NCKAP5: variants seen among roughly 807,000 people sequenced by gnomAD.
NCKAP5 encodes the protein NCK associated protein 5, also known as nck-associated protein 5.
NCKAP5 carries 92 observed loss-of-function variants against 167.0 expected under a neutral mutation model. That is an observed-to-expected ratio of 0.55 (90% CI 0.47 to 0.66). The LOEUF is 0.66. Ranked by LOEUF, NCKAP5 falls within the 30% of genes least tolerant of loss-of-function variation. The probability of loss-of-function intolerance (pLI) is 0.00; values close to 1 mark genes in which losing one functional copy is unlikely to be tolerated. For missense variants in NCKAP5, 2,378 were observed against 2,315.0 expected (o/e 1.03, Z -0.56); for synonymous variants, 891 against 877.4 (o/e 1.02, Z -0.27).
At chr2:133,059,264 C>T (rs1026142151) in intron 6 of NCKAP5, among the ~76,000 whole-genome samples, 1 of 152,148 alleles carries the variant, frequency 6.6e-6, no homozygotes, top group Non-Finnish European at 1.5e-5. Flanking sequence ...CGCGCCACTG[C>T]ACTCCAGCCT....
chr2:132,704,047 C>G (rs1688123757), intron 19 of NCKAP5, among the ~76,000 whole-genome samples: 1 of 152,154 alleles, frequency 6.6e-6, no homozygotes, highest in Non-Finnish European at 1.5e-5. Flanking sequence ...TGAAACCCTT[C>G]CCAGTGCTCT....
intron 5 of NCKAP5, among the ~76,000 whole-genome samples, chr2:133,142,720 C>T (rs917604307): frequency 6.6e-6 from 1 of 152,090 alleles, no homozygotes; most frequent in African/African-American, 2.4e-5. Context: ...TCACTAAGTC[C>T]AATTGAGGTC....
chr2:133,187,513 G>A (rs780971224), intron 5 of NCKAP5, among the ~76,000 whole-genome samples: 7 of 151,880 alleles, frequency 4.6e-5, no homozygotes, highest in Admixed American at 2.0e-4. Context: ...AAATTACTGC[G>A]ACCCCATATA....
chr2:133,496,108 G>A (rs142574427), intron 3 of NCKAP5, among the ~76,000 whole-genome samples: 5 of 152,256 alleles, frequency 3.3e-5, no homozygotes, highest in African/African-American at 9.6e-5. Flanking sequence ...ACATGCAGAC[G>A]TTACTTGCTT....
chr2:133,259,211 A>C (rs2088783890), intron 4 of NCKAP5, among the ~76,000 whole-genome samples: 1 of 152,092 alleles, frequency 6.6e-6, no homozygotes, highest in South Asian at 2.1e-4. Flanking sequence ...AGCCTCATCC[A>C]TCACTTTATC....
chr2:133,323,078 C>G (rs1353048047), intron 3 of NCKAP5, among the ~76,000 whole-genome samples: 3 of 152,152 alleles, frequency 2.0e-5, no homozygotes, highest in Non-Finnish European at 4.4e-5. Context: ...TATCCTTCCA[C>G]CTATTCATTC....
At chr2:132,774,739 A>G (rs1284775937) in intron 15 of NCKAP5, among the ~76,000 whole-genome samples, 2 of 152,210 alleles carry the variant, frequency 1.3e-5, no homozygotes, top group African/African-American at 4.8e-5. Context: ...ACCAACCACA[A>G]TAGAAACAGT....
At chr2:133,497,024 C>T (rs772549448) in intron 3 of NCKAP5, among the ~76,000 whole-genome samples, 1 of 152,202 alleles carries the variant, frequency 6.6e-6, no homozygotes, top group Non-Finnish European at 1.5e-5. Context: ...GTCAGCACAA[C>T]CACAGCCTCC....
chr2:133,399,535 T>C (rs566141622), intron 3 of NCKAP5, among the ~76,000 whole-genome samples: 1 of 152,244 alleles, frequency 6.6e-6, no homozygotes, highest in South Asian at 2.1e-4. Flanking sequence ...GAGCATTTTG[T>C]GGGGGGCATT....
chr2:133,351,382 T>G (rs1324538362), intron 3 of NCKAP5, among the ~76,000 whole-genome samples: 2 of 122,012 alleles, frequency 1.6e-5, no homozygotes, highest in African/African-American at 5.4e-5. Flanking sequence ...GTAATATAAC[T>G]TCTTTGAGCC....
intron 5 of NCKAP5, among the ~76,000 whole-genome samples, chr2:133,202,492 C>A (rs1383785581): frequency 2.0e-5 from 3 of 152,158 alleles, no homozygotes; most frequent in Non-Finnish European, 4.4e-5. Context: ...GACTTCAGGT[C>A]TAAAACACCA....
chr2:133,012,460 G>A (rs1313731147), intron 6 of NCKAP5, among the ~76,000 whole-genome samples: 1 of 152,186 alleles, frequency 6.6e-6, no homozygotes, highest in Non-Finnish European at 1.5e-5. Context: ...GTGTTAGCCA[G>A]GATGGTCTCG....
At chr2:133,025,327 G>A (rs1435776510) in intron 6 of NCKAP5, among the ~76,000 whole-genome samples, 4 of 152,160 alleles carry the variant, frequency 2.6e-5, no homozygotes, top group South Asian at 2.1e-4. Context: ...GTCAGCATAT[G>A]TTTATTTGCT....
intron 3 of NCKAP5, among the ~76,000 whole-genome samples, chr2:133,351,991 G>T (rs1193073673): frequency 6.6e-6 from 1 of 151,978 alleles, no homozygotes; most frequent in Non-Finnish European, 1.5e-5. Context: ...CCTTCCTCAA[G>T]CCCTTCCAAG....
chr2:132,879,289 CTTATA>C (rs2148815044), intron 8 of NCKAP5, among the ~76,000 whole-genome samples: 1 of 152,330 alleles, frequency 6.6e-6, no homozygotes, highest in African/African-American at 2.4e-5. Flanking sequence ...GACTCACAGA[CTTATA>C]TTTGTTTAGG....
chr2:132,991,813 A>T (rs2077456447), intron 7 of NCKAP5, among the ~76,000 whole-genome samples: 1 of 152,156 alleles, frequency 6.6e-6, no homozygotes, highest in Admixed American at 6.5e-5. Context: ...GAAGCAATAA[A>T]TTTCCCAGCT....
At chr2:133,029,041 C>A (rs775547179) in intron 6 of NCKAP5, among the ~76,000 whole-genome samples, 24 of 152,280 alleles carry the variant, frequency 1.6e-4, no homozygotes, top group Non-Finnish European at 2.9e-4. Context: ...TCCTATACAG[C>A]CTGCAGAACT....
chr2:133,310,497 A>G (rs1366200457), intron 3 of NCKAP5, among the ~76,000 whole-genome samples: 2 of 152,210 alleles, frequency 1.3e-5, no homozygotes, highest in Non-Finnish European at 2.9e-5. Flanking sequence ...ACCAGTGCCT[A>G]CAGCACTTCA....
At chr2:133,221,611 G>A (rs955843866) in intron 4 of NCKAP5, among the ~76,000 whole-genome samples, 12 of 152,140 alleles carry the variant, frequency 7.9e-5, no homozygotes, top group Non-Finnish European at 1.8e-4. Context: ...GCCTACACAC[G>A]AGTGTCATAA....
Sources: allele counts gnomAD v4.1 joint callset (sites outside exome capture counted in the v4.1 genomes callset), GRCh38; gene constraint gnomAD v4.1.1; transcripts MANE v1.5; gene names NCBI Gene and HGNC (gene_info 2026-07-23, HGNC 2026-07-21).